Variants in ASCC3 observed in about 807,000 individuals in gnomAD.
ASCC3 encodes activating signal cointegrator 1 complex subunit 3, also known as ASC-1 complex subunit P200.
ASCC3 carries 158 observed loss-of-function variants against 256.3 expected under a neutral mutation model. The observed-to-expected ratio is 0.62, with a 90% CI of 0.54 to 0.70. ASCC3 has a LOEUF of 0.70. Among genes scored for constraint, ASCC3 ranks in the 30% least tolerant of loss-of-function variants. ASCC3 has a pLI of 0.00. For missense variants in ASCC3, 2,259 were observed against 2,626.0 expected, an observed-to-expected ratio of 0.86 and a Z score of 3.05; for synonymous variants, 948 against 883.4, an observed-to-expected ratio of 1.07 and a Z score of -1.30.
intron 26 of ASCC3, among the ~76,000 whole-genome samples, chr6:100,630,235 G>T (rs780700686): frequency 2.6e-5 from 4 of 151,886 alleles, no homozygotes; most frequent in Non-Finnish European, 5.9e-5. Context: ...TAAGAAAAAG[G>T]GCAAAATTTG....
At chr6:100,578,079 TTC>T (rs1251654279) in intron 36 of ASCC3, among the ~76,000 whole-genome samples, 9 of 152,040 alleles carry the variant, frequency 5.9e-5, no homozygotes, top group African/African-American at 2.2e-4. Context: ...GTTGTCTCCA[TTC>T]TTTGGTCAAA....
chr6:100,638,498 CA>C, intron 25 of ASCC3, 102 bp downstream of exon 25: 2 of 987,450 alleles, frequency 2.0e-6, no homozygotes, highest in Non-Finnish European at 1.5e-6. Context: ...CTGAGAGTGA[CA>C]AATCTATTCA....
At chr6:100,626,405 G>C (rs1354798417) in intron 29 of ASCC3, among the ~76,000 whole-genome samples, 2 of 151,898 alleles carry the variant, frequency 1.3e-5, no homozygotes, top group Admixed American at 6.6e-5. Context: ...CTAACTATGA[G>C]AAATAAAGCT....
intron 2 of ASCC3, among the ~76,000 whole-genome samples, chr6:100,867,577 C>T (rs1773538506): frequency 6.6e-6 from 1 of 151,664 alleles, no homozygotes; most frequent in African/African-American, 2.4e-5. Flanking sequence ...TACCAGAGAC[C>T]ACTGGTAAAA....
chr6:100,795,401 T>C (rs1328236014), intron 8 of ASCC3, among the ~76,000 whole-genome samples: 1 of 151,298 alleles, frequency 6.6e-6, no homozygotes, highest in Non-Finnish European at 1.5e-5. Flanking sequence ...GAAATGGAGA[T>C]AAAGAAAAAG....
chr6:100,829,286 C>A (rs183564301), intron 4 of ASCC3, among the ~76,000 whole-genome samples: 2 of 152,096 alleles, frequency 1.3e-5, no homozygotes, highest in African/African-American at 4.8e-5. Flanking sequence ...CAGGGGGCGG[C>A]GCTCATGGAG....
chr6:100,576,618 T>C (rs1041707086), intron 36 of ASCC3, among the ~76,000 whole-genome samples: 1 of 152,094 alleles, frequency 6.6e-6, no homozygotes, highest in African/African-American at 2.4e-5. Flanking sequence ...GGTTATTTGA[T>C]GCTTATAAAT....
At chr6:100,635,366 C>T (rs1416512397) in intron 25 of ASCC3, among the ~76,000 whole-genome samples, 3 of 152,048 alleles carry the variant, frequency 2.0e-5, no homozygotes, top group Non-Finnish European at 2.9e-5. Flanking sequence ...CATAACTTCA[C>T]TTACACATGG....
intron 8 of ASCC3, among the ~76,000 whole-genome samples, chr6:100,794,246 G>A (rs189209522): frequency 3.9e-5 from 6 of 152,118 alleles, no homozygotes; most frequent in African/African-American, 1.2e-4. Context: ...AATATTGAGT[G>A]TAAACCTCTT....
intron 1 of ASCC3, among the ~76,000 whole-genome samples, chr6:100,878,291 TCTCTAACTTATC>T (rs968421686): frequency 1.3e-5 from 2 of 152,164 alleles, no homozygotes; most frequent in African/African-American, 4.8e-5. Context: ...GGGCTCTTAT[TCTCTAACTTATC>T]CTCTAACTAG....
chr6:100,594,894 T>C (rs1384896356), intron 34 of ASCC3, among the ~76,000 whole-genome samples: 1 of 152,000 alleles, frequency 6.6e-6, no homozygotes, highest in Non-Finnish European at 1.5e-5. Flanking sequence ...TGGATAAATC[T>C]AGAGGGGGAG....
chr6:100,516,713 T>C (rs1774045232), intron 38 of ASCC3, among the ~76,000 whole-genome samples: 1 of 152,168 alleles, frequency 6.6e-6, no homozygotes, highest in Non-Finnish European at 1.5e-5. Context: ...AGTTTTAAAT[T>C]ATAAGTTGTT....
At chr6:100,703,534 C>T (rs12212736) in intron 13 of ASCC3, among the ~76,000 whole-genome samples, 66,633 of 151,662 alleles carry the variant, frequency 0.44, 14,852 homozygotes, top group South Asian at 0.6. Flanking sequence ...TAGCAGCTTA[C>T]GGTGCTAAGA....
At chr6:100,687,034 T>TCTCTCA (rs1459889611) in intron 13 of ASCC3, among the ~76,000 whole-genome samples, 2 of 130,564 alleles carry the variant, frequency 1.5e-5, no homozygotes, top group South Asian at 2.8e-4. Flanking sequence ...TCTCTCTCTC[T>TCTCTCA]CACACACACA....
At chr6:100,719,141 C>T (rs1163025981) in intron 11 of ASCC3, among the ~76,000 whole-genome samples, 1 of 152,046 alleles carries the variant, frequency 6.6e-6, no homozygotes, top group East Asian at 1.9e-4. Flanking sequence ...CATGCAGAGA[C>T]TACTTGCAGA....
At chr6:100,715,410 G>A in intron 13 of ASCC3, 52 bp downstream of exon 13, 1 of 1,461,540 alleles carries the variant, frequency 6.8e-7, no homozygotes, top group South Asian at 1.2e-5. Flanking sequence ...TTATCATTAA[G>A]CACTCTCTAA....
chr6:100,649,742 C>G (rs1458942734), intron 20 of ASCC3, among the ~76,000 whole-genome samples: 1 of 151,250 alleles, frequency 6.6e-6, no homozygotes, highest in Non-Finnish European at 1.5e-5. Flanking sequence ...TAAAATTAAG[C>G]TTTAATTTCT....
chr6:100,567,857 T>C (rs901641550), intron 36 of ASCC3, among the ~76,000 whole-genome samples: 1 of 152,154 alleles, frequency 6.6e-6, no homozygotes, highest in Admixed American at 6.6e-5. Flanking sequence ...GAGATAAACA[T>C]GTGAGTGCAT....
chr6:100,665,563 C>A (rs1354457432), intron 14 of ASCC3, among the ~76,000 whole-genome samples: 2 of 150,376 alleles, frequency 1.3e-5, no homozygotes, highest in African/African-American at 4.9e-5. Context: ...TCTCTACTAA[C>A]AAAAACAAAC....
Sources: gnomAD v4.1 joint callset for allele counts (sites outside exome capture counted in the v4.1 genomes callset) on GRCh38, gnomAD v4.1.1 for gene constraint, MANE v1.5 for transcripts, NCBI Gene and HGNC (gene_info 2026-07-23, HGNC 2026-07-21) for gene names.